Variants in ZFAND3 observed in about 807,000 individuals in gnomAD.
ZFAND3 encodes the protein zinc finger AN1-type containing 3.
ZFAND3 carries 10 observed loss-of-function variants against 29.6 expected under a neutral mutation model. That is an observed-to-expected ratio of 0.34 (90% CI 0.21 to 0.57). The LOEUF (loss-of-function observed/expected upper bound fraction) is 0.57, where lower values mean the gene tolerates loss of function less well. Among genes scored for constraint, ZFAND3 ranks in the 20% least tolerant of loss-of-function variants. The probability of loss-of-function intolerance (pLI) is 0.86; values close to 1 mark genes in which losing one functional copy is unlikely to be tolerated. For synonymous variants in ZFAND3, 128 were observed against 112.6 expected (o/e 1.14, Z -0.87); for missense variants, 230 against 304.5 (o/e 0.76, Z 1.82).
chr6:38,052,627 A>G (rs1764048153), intron 2 of ZFAND3, among the ~76,000 whole-genome samples: 1 of 152,192 alleles, frequency 6.6e-6, no homozygotes, highest in African/African-American at 2.4e-5. Context: ...TTCTATGGGT[A>G]ATCTTAAGGA....
intron 1 of ZFAND3, among the ~76,000 whole-genome samples, chr6:37,896,570 CTCTCTTTCTCTCTCTTTCTCTT>C (rs1158863966): frequency 8.0e-6 from 1 of 124,506 alleles, no homozygotes; most frequent in African/African-American, 3.2e-5. Flanking sequence ...TTCTTTCTTT[CTCTCTTTCTCTCTCTTTCTCTT>C]TTTCTTTCTC....
At chr6:38,125,402 C>A (rs1765616020) in intron 5 of ZFAND3, among the ~76,000 whole-genome samples, 1 of 152,168 alleles carries the variant, frequency 6.6e-6, no homozygotes, top group African/African-American at 2.4e-5. Flanking sequence ...ACCCTATGTT[C>A]TTTGACAGGG....
At chr6:38,106,652 C>G (rs564633614) in intron 4 of ZFAND3, among the ~76,000 whole-genome samples, 27 of 152,256 alleles carry the variant, frequency 1.8e-4, no homozygotes, top group African/African-American at 6.5e-4. Context: ...TAACACTCCC[C>G]TCATACCACT....
intron 2 of ZFAND3, among the ~76,000 whole-genome samples, chr6:38,019,918 G>A (rs1344524697): frequency 6.6e-6 from 1 of 152,100 alleles, no homozygotes; most frequent in African/African-American, 2.4e-5. Context: ...GACGGTTTCA[G>A]TATGGTGGCC....
At chr6:38,014,233 TAAAA>T (rs992648836) in intron 2 of ZFAND3, among the ~76,000 whole-genome samples, 2 of 152,120 alleles carry the variant, frequency 1.3e-5, no homozygotes, top group African/African-American at 2.4e-5. Context: ...AAAGTTTTGT[TAAAA>T]AGAGAGAGAG....
intron 2 of ZFAND3, among the ~76,000 whole-genome samples, chr6:38,050,731 C>T (rs924008255): frequency 6.6e-6 from 1 of 152,150 alleles, no homozygotes; most frequent in Non-Finnish European, 1.5e-5. Context: ...AGCATGAGAA[C>T]GGACTAATAC....
chr6:38,030,494 G>A (rs979693053), intron 2 of ZFAND3, among the ~76,000 whole-genome samples: 1 of 152,048 alleles, frequency 6.6e-6, no homozygotes, highest in Non-Finnish European at 1.5e-5. Context: ...GAGAATTGGG[G>A]AACAATCATA....
intron 2 of ZFAND3, among the ~76,000 whole-genome samples, chr6:37,949,031 A>G (rs1169225037): frequency 6.6e-6 from 1 of 152,172 alleles, no homozygotes; most frequent in Non-Finnish European, 1.5e-5. Flanking sequence ...TCTTTGAGAA[A>G]TCTCCAAACT....
At chr6:38,102,877 C>G (rs2127478609) in intron 4 of ZFAND3, among the ~76,000 whole-genome samples, 1 of 152,274 alleles carries the variant, frequency 6.6e-6, no homozygotes, top group Non-Finnish European at 1.5e-5. Context: ...CTGCCTCAGC[C>G]TCTGGAGTAG....
chr6:38,033,335 T>A (rs796752293), intron 2 of ZFAND3, among the ~76,000 whole-genome samples: 42 of 152,286 alleles, frequency 2.8e-4, no homozygotes, highest in African/African-American at 8.9e-4. Context: ...ATTATTTTTT[T>A]AAAAAAGGAA....
chr6:37,835,646 C>T (rs1440463594), intron 1 of ZFAND3, among the ~76,000 whole-genome samples: 3 of 152,002 alleles, frequency 2.0e-5, no homozygotes, highest in Non-Finnish European at 2.9e-5. Context: ...TGTCTCCCTC[C>T]TAGTTTTAGT....
intron 2 of ZFAND3, among the ~76,000 whole-genome samples, chr6:37,999,825 C>T (rs1762913167): frequency 6.6e-6 from 1 of 152,064 alleles, no homozygotes; most frequent in Non-Finnish European, 1.5e-5. Context: ...GAAATCTGAG[C>T]AAGTGTGGAC....
intron 5 of ZFAND3, among the ~76,000 whole-genome samples, chr6:38,120,300 G>C (rs1273848947): frequency 8.3e-6 from 1 of 119,880 alleles, no homozygotes; most frequent in South Asian, 3.1e-4. Context: ...GATCTTGATT[G>C]ATACACGTAG....
intron 1 of ZFAND3, among the ~76,000 whole-genome samples, chr6:37,843,158 A>C (rs1324021280): frequency 6.7e-6 from 1 of 149,242 alleles, no homozygotes; most frequent in African/African-American, 2.5e-5. Flanking sequence ...TCTTAAGCCC[A>C]CTGTGCCTTG....
At chr6:38,051,858 A>G (rs1433987112) in intron 2 of ZFAND3, among the ~76,000 whole-genome samples, 1 of 151,312 alleles carries the variant, frequency 6.6e-6, no homozygotes, top group African/African-American at 2.4e-5. Flanking sequence ...ATTGTTAGAT[A>G]TTTGCTGTAA....
At chr6:38,137,285 A>G (rs1765860389) in intron 5 of ZFAND3, among the ~76,000 whole-genome samples, 1 of 152,244 alleles carries the variant, frequency 6.6e-6, no homozygotes, top group African/African-American at 2.4e-5. Flanking sequence ...GCCAGACAGC[A>G]GTAGTTTTTC....
At chr6:37,975,646 A>G (rs1336112412) in intron 2 of ZFAND3, among the ~76,000 whole-genome samples, 3 of 152,176 alleles carry the variant, frequency 2.0e-5, no homozygotes, top group African/African-American at 4.8e-5. Flanking sequence ...TGAAAAGGCT[A>G]TCTTTCTTCA....
At chr6:38,074,244 A>G (rs1764511292) in intron 3 of ZFAND3, among the ~76,000 whole-genome samples, 1 of 152,218 alleles carries the variant, frequency 6.6e-6, no homozygotes, top group Non-Finnish European at 1.5e-5. Flanking sequence ...ATACAGATAT[A>G]GACATGAAAA....
chr6:37,925,212 T>C (rs955699449), intron 1 of ZFAND3, among the ~76,000 whole-genome samples: 2 of 151,964 alleles, frequency 1.3e-5, no homozygotes, highest in Admixed American at 6.6e-5. Flanking sequence ...TGTGGAAAAA[T>C]CATTGTATAG....
Sources: allele counts gnomAD v4.1 joint callset (sites outside exome capture counted in the v4.1 genomes callset), GRCh38; gene constraint gnomAD v4.1.1; transcripts MANE v1.5; gene names NCBI Gene and HGNC (gene_info 2026-07-23, HGNC 2026-07-21).